Variants in PCYOX1L observed in about 807,000 individuals in gnomAD.
The protein encoded by PCYOX1L is prenylcysteine oxidase 1-like.
Under a neutral mutation model 44.1 loss-of-function variants are expected in PCYOX1L, and 40 were observed. That is an observed-to-expected ratio of 0.91 (90% confidence interval 0.70 to 1.18). The LOEUF (loss-of-function observed/expected upper bound fraction) is 1.18. PCYOX1L is among the 50% of genes most tolerant of loss of function. The probability of loss-of-function intolerance (pLI) is 0.00; values close to 1 mark genes in which losing one functional copy is unlikely to be tolerated. For synonymous variants in PCYOX1L, 266 were observed against 282.8 expected, an observed-to-expected ratio of 0.94 and a Z score of 0.60; for missense variants, 605 against 653.3, an observed-to-expected ratio of 0.93 and a Z score of 0.81.
intron 4 of PCYOX1L, among the ~76,000 whole-genome samples, chr5:149,367,063 T>G (rs868594589): frequency 4.6e-5 from 7 of 152,102 alleles, no homozygotes; most frequent in African/African-American, 1.4e-4. Flanking sequence ...CTCCCAGCCC[T>G]GGGCAGCTAC....
In PCYOX1L at chr5:149,369,001, G is replaced by A. The variant is rs961696810; in HGVS notation, c.*347G>A. ...GAGGGAATATAAGGCAGAGAACTAT[G>A]AGTCTTATTTTATTACTGTTTTTCA... On this transcript the variant is annotated 3_prime_UTR_variant, in exon 6 of 6. Transcript: ENST00000274569. 1 of 185,494 alleles carries A rather than the reference G, an allele frequency of 5.4e-6. No homozygotes were observed. Among genetic ancestry groups the A allele is most frequent in the Admixed American group, 6.0e-5 (1 of 16,566 alleles). 11.5% of individuals were successfully genotyped at this position (185,494 alleles called of 1,614,324 possible).
At chr5:149,362,016 T>C (rs1034274367) in intron 1 of PCYOX1L, 1 of 154,358 alleles carries the variant, frequency 6.5e-6, no homozygotes, top group Non-Finnish European at 1.4e-5. Context: ...TGGCATACTT[T>C]TTTCTGTAAA....
At chr5:149,367,631 C>A in intron 5 of PCYOX1L, 131 bp downstream of exon 5, 2 of 1,293,278 alleles carry the variant, frequency 1.5e-6, no homozygotes, top group South Asian at 1.5e-5. Context: ...ATTGAGAAGC[C>A]CCAACCCTGC....
chr5:149,359,071 TC>T (rs984959647), intron 1 of PCYOX1L, among the ~76,000 whole-genome samples: 5 of 152,156 alleles, frequency 3.3e-5, no homozygotes, highest in African/African-American at 9.7e-5. Flanking sequence ...CTTTTTTTTT[TC>T]CTCCCTCAAC....
intron 4 of PCYOX1L, among the ~76,000 whole-genome samples, chr5:149,367,131 C>T (rs1758237600): frequency 1.3e-5 from 2 of 152,178 alleles, no homozygotes; most frequent in Non-Finnish European, 2.9e-5. Flanking sequence ...ATAAATAGAC[C>T]TCACAATATG....
chr5:149,366,777 T>C (rs1758224570), intron 4 of PCYOX1L, among the ~76,000 whole-genome samples: 1 of 152,230 alleles, frequency 6.6e-6, no homozygotes, highest in African/African-American at 2.4e-5. Flanking sequence ...CTGCACATGC[T>C]GGCTCCTTCG....
chr5:149,360,153 G>A (rs183823437), intron 1 of PCYOX1L, among the ~76,000 whole-genome samples: 83 of 152,336 alleles, frequency 5.4e-4, no homozygotes, highest in African/African-American at 8.7e-4. Context: ...ATGGGTTGTC[G>A]TTGCTAATTG....
intron 5 of PCYOX1L, 50 bp downstream of exon 5, chr5:149,367,550 A>G: frequency 6.2e-7 from 1 of 1,601,414 alleles, no homozygotes; most frequent in Non-Finnish European, 8.5e-7. Flanking sequence ...CAGCCAGTGG[A>G]CAGACACTTC....
rs1488668636 is a variant in PCYOX1L at position 149,367,446 on chromosome 5, A to C, written c.769A>C (p.Thr257Pro). Residue 257 changes from threonine (T) to proline (P), a missense_variant, in exon 5 of 6, where the codon ACC becomes CCC. Thr to Pro is a conservative substitution (Grantham distance 38). Transcript: ENST00000274569. ...GGTTTGTTCCGGTTTGCTGAAGCTC[A>C]CCAAGGCCAATGTGATCCATGCCAC... The part of the protein sequence containing the change: ...KLVCSGLLKL[T>P]KANVIHATVT... The C allele has an allele frequency of 4.3e-6, 7 of 1,613,862 alleles. No homozygotes were observed. Among genetic ancestry groups the C allele is most frequent in the Non-Finnish European group, 5.9e-6 (7 of 1,179,848 alleles).
chr5:149,367,164 T>G (rs1484653722), intron 4 of PCYOX1L, among the ~76,000 whole-genome samples, 196 bp from the exon 5 acceptor site: 1 of 152,230 alleles, frequency 6.6e-6, no homozygotes, highest in African/African-American at 2.4e-5. Context: ...GCTGGCTCTT[T>G]CGTTGAGCAC....
chr5:149,363,948 T>G, intron 2 of PCYOX1L, 88 bp from the exon 3 acceptor site: 1 of 1,455,982 alleles, frequency 6.9e-7, no homozygotes. Flanking sequence ...CCATAGCATT[T>G]GTGTTTCCTT....
At position 149,365,958 on chromosome 5, in the gene PCYOX1L, G is replaced by T; in HGVS notation, c.487G>T (p.Ala163Ser). ...GTCTTCTAGGATCTATAAGTACCAG[G>T]CCCACGGCTATGCCTTCTCGGGTGT... ...EKFMRIYKYQAHGYAFSGVEE... is the reference protein window; with the variant it reads ...EKFMRIYKYQSHGYAFSGVEE... Residue 163 changes from alanine (A) to serine (S), a missense_variant, in exon 4 of 6, where the codon GCC becomes TCC. Coordinates refer to ENST00000274569, the MANE Select transcript of PCYOX1L (RefSeq NM_024028.4). 6.2e-7 allele frequency: 1 copy of T among 1,614,204 alleles called. No homozygotes were observed. The highest frequency in any genetic ancestry group is 8.5e-7 in the Non-Finnish European group (1 of 1,180,026).
chr5:149,362,289 T>G (rs1758029918), intron 1 of PCYOX1L: 1 of 307,228 alleles, frequency 3.3e-6, no homozygotes, highest in African/African-American at 2.1e-5. Flanking sequence ...TAACAATTCA[T>G]AGGGAAATAA....
At position 149,368,355 on chromosome 5, in the gene PCYOX1L, G is replaced by A; in HGVS notation, c.1186G>A (p.Val396Ile). 1 of 1,614,176 alleles carries A rather than the reference G, an allele frequency of 6.2e-7. No individual in the cohort carries two copies. The highest frequency in any genetic ancestry group is 1.3e-5 in the African/African-American group (1 of 75,044). Residue 396 changes from valine to isoleucine, a missense_variant, in exon 6 of 6, where the codon GTC becomes ATC. Val to Ile is a conservative substitution (Grantham distance 29, BLOSUM62 3). Coordinates refer to ENST00000274569, the MANE Select transcript of PCYOX1L (RefSeq NM_024028.4). ...KQPQEAAVWRVQSPKPLFRTQ... is the reference protein window; with the variant it reads ...KQPQEAAVWRIQSPKPLFRTQ... The stretch of plus-strand genomic sequence containing the variant: ...GCCCCAGGAGGCAGCTGTTTGGCGA[G>A]TCCAGTCCCCCAAGCCCCTCTTTCG...
In PCYOX1L at chr5:149,369,643, C is replaced by A. The variant is rs1215250277; in HGVS notation, c.*989C>A. On this transcript the variant is annotated 3_prime_UTR_variant, in exon 6 of 6. Transcript: ENST00000274569. ...TTGTTTTAAAAAGAAAGTAAAAGCC[C>A]TTTTCATTCCTTTTGGACCTGTTCT... 6.6e-6 allele frequency: 1 copy of A among 152,154 alleles called. No homozygotes were observed. Among genetic ancestry groups the A allele is most frequent in the African/African-American group, 2.4e-5 (1 of 41,430 alleles). The allele number at this position is 152,154 out of a possible 1,614,324, so 9.4% of individuals were successfully genotyped here.
chr5:149,359,300 A>G (rs2127612077), intron 1 of PCYOX1L, among the ~76,000 whole-genome samples: 1 of 152,360 alleles, frequency 6.6e-6, no homozygotes, highest in Middle Eastern at 3.4e-3. Context: ...CTTGTGTAGC[A>G]GAACCACAGC....
rs772863145 is a variant in PCYOX1L at position 149,362,596 on chromosome 5, TTC to T, written c.89-39_89-38del. The T allele has an allele frequency of 2.9e-5, 46 of 1,607,326 alleles. No homozygotes were observed. The East Asian group carries it at 1.0e-3, about 35-fold the overall frequency. On this transcript the variant is annotated intron_variant, in intron 1 of 5. Coordinates refer to ENST00000274569, the MANE Select transcript of PCYOX1L (RefSeq NM_024028.4). Reference sequence around the variant, plus strand: ...TGAACTACAGCCTCTCACTCTCATGTTCTGTCTCTCTTCTTCCCTACCTCCCG... The same window carrying T: ...TGAACTACAGCCTCTCACTCTCATGTTGTCTCTCTTCTTCCCTACCTCCCG...
chr5:149,367,911 G>C, intron 5 of PCYOX1L, 82 bp from the exon 6 acceptor site: 1 of 1,424,824 alleles, frequency 7.0e-7, no homozygotes, highest in Non-Finnish European at 9.5e-7. Flanking sequence ...GGGTCTCGTT[G>C]TACCTCAATG....
Position 149,366,160 on chromosome 5 carries a change from G to C in PCYOX1L, c.682+7G>C, listed in dbSNP as rs368302875. 1.2e-6 allele frequency: 2 copies of C among 1,608,888 alleles called. No homozygotes were observed. The highest frequency in any genetic ancestry group is 2.2e-5 in the South Asian group (2 of 90,928). On this transcript the variant is annotated splice_region_variant and intron_variant, in intron 4 of 5. Coordinates refer to ENST00000274569, the MANE Select transcript of PCYOX1L (RefSeq NM_024028.4). The stretch of plus-strand genomic sequence containing the variant: ...GCGATGCCCGCCTTTGCAGGTAAGC[G>C]TCCAACCCTTGGCCTGCCCACCTGC...
Sources: gnomAD v4.1 joint callset for allele counts (sites outside exome capture counted in the v4.1 genomes callset) on GRCh38, gnomAD v4.1.1 for gene constraint, MANE v1.5 for transcripts, NCBI Gene and HGNC (gene_info 2026-07-23, HGNC 2026-07-21) for gene names.